GPC3: variants seen among roughly 807,000 people sequenced by gnomAD.
The protein encoded by GPC3 is glypican-3.
Under a neutral mutation model 34.4 loss-of-function variants are expected in GPC3, and 3 were observed. The ratio of observed to expected loss-of-function variants is 0.09; its 90% CI spans 0.04 to 0.23. GPC3 has a LOEUF of 0.23. GPC3 is among the 10% of genes least tolerant of loss of function. The probability of loss-of-function intolerance (pLI) is 1.00; values close to 1 mark genes in which losing one functional copy is unlikely to be tolerated. For synonymous variants in GPC3, 177 were observed against 174.0 expected, an observed-to-expected ratio of 1.02 and a Z score of -0.13; for missense variants, 351 against 445.6, an observed-to-expected ratio of 0.79 and a Z score of 1.91.
chrX:133,610,531 T>C (rs765329521), intron 6 of GPC3, among the ~76,000 whole-genome samples: 1 of 110,382 alleles, frequency 9.1e-6, no homozygotes, highest in African/African-American at 3.3e-5. Context: ...TAACATTTTG[T>C]TAAATAAATA....
intron 2 of GPC3, among the ~76,000 whole-genome samples, chrX:133,778,498 G>A (rs981824301): frequency 1.2e-4 from 13 of 111,975 alleles, no homozygotes; most frequent in African/African-American, 3.9e-4. Context: ...CAACTGATAC[G>A]AATTGAAACA....
At chrX:133,902,599 T>C (rs2076148641) in intron 2 of GPC3, among the ~76,000 whole-genome samples, 1 of 111,533 alleles carries the variant, frequency 9.0e-6, no homozygotes, top group African/African-American at 3.3e-5. Flanking sequence ...GGTGCACACC[T>C]GTAATCCCAG....
In GPC3 at chrX:133,552,369, A is replaced by G. The variant is rs191144769; in HGVS notation, c.1574-16076T>C. Reference sequence around the variant, plus strand: ...AAAGAGACTGCTTTGCATCCTTTTCAAAGAAAGGGACCAGCGTCTTTTGGA... The same window carrying G: ...AAAGAGACTGCTTTGCATCCTTTTCGAAGAAAGGGACCAGCGTCTTTTGGA... On this transcript the variant is annotated intron_variant, in intron 7 of 7. Coordinates refer to ENST00000370818, the MANE Select transcript of GPC3 (RefSeq NM_004484.4). 3.4e-3 allele frequency among the ~76,000 whole-genome samples: 383 copies of G among 112,132 alleles called. 2 individuals are homozygous for G. Among genetic ancestry groups the G allele is most frequent in the South Asian group, 0.014 (38 of 2,664 alleles).
chrX:133,921,539 T>TA (rs1485375193), intron 2 of GPC3, among the ~76,000 whole-genome samples: 2 of 112,350 alleles, frequency 1.8e-5, no homozygotes, highest in Non-Finnish European at 3.8e-5. Context: ...GTCATTTAGC[T>TA]AATAGATGGC....
intron 6 of GPC3, among the ~76,000 whole-genome samples, chrX:133,636,074 G>A (rs184997770): frequency 1.4e-4 from 16 of 111,212 alleles, no homozygotes; most frequent in African/African-American, 5.2e-4. Context: ...CAATTATTCC[G>A]AACAGTGTTT....
intron 2 of GPC3, among the ~76,000 whole-genome samples, chrX:133,803,977 TCC>T (rs1491328020): frequency 4.7e-5 from 2 of 42,839 alleles, no homozygotes; most frequent in South Asian, 1.2e-3. Flanking sequence ...CTGAGATAAA[TCC>T]ACACACACAC....
At chrX:133,629,904 A>G (rs1369066090) in intron 6 of GPC3, among the ~76,000 whole-genome samples, 1 of 109,260 alleles carries the variant, frequency 9.2e-6, no homozygotes, top group East Asian at 3.0e-4. Context: ...AAAATACAAA[A>G]TTAGTCAGGC....
intron 6 of GPC3, among the ~76,000 whole-genome samples, chrX:133,637,448 T>A (rs1420302782): frequency 5.4e-5 from 6 of 110,615 alleles, no homozygotes; most frequent in East Asian, 2.8e-4. Flanking sequence ...AAAATAATTT[T>A]AAAAAAGGCA....
intron 3 of GPC3, among the ~76,000 whole-genome samples, chrX:133,733,454 T>TA (rs2071481213): frequency 1.8e-5 from 2 of 111,091 alleles, no homozygotes; most frequent in Admixed American, 9.6e-5. Flanking sequence ...ATAAAAATTT[T>TA]AAAAAATCTA....
rs145563388 is a variant in GPC3 at position 133,695,192 on chromosome X, A to C, written c.1167-2698T>G. On this transcript the variant is annotated intron_variant, in intron 4 of 7. Coordinates refer to ENST00000370818, the MANE Select transcript of GPC3 (RefSeq NM_004484.4). ...GGGAAGCCCCTTATGAATCCATCGG[A>C]TCTTGTGAGAACTAATTTACTATCA... Among the ~76,000 whole-genome samples, 143 of 111,355 alleles carry C rather than the reference A, an allele frequency of 1.3e-3. 4 individuals carry two copies. The East Asian group carries it at 0.025, about 19-fold the overall frequency.
At chrX:133,796,664 T>A (rs1448403887) in intron 2 of GPC3, among the ~76,000 whole-genome samples, 1 of 112,314 alleles carries the variant, frequency 8.9e-6, no homozygotes, top group Non-Finnish European at 1.9e-5. Flanking sequence ...CAAATAAGGA[T>A]TTTAGAGGAC....
At chrX:133,728,402 T>C (rs986785151) in intron 3 of GPC3, among the ~76,000 whole-genome samples, 1 of 111,347 alleles carries the variant, frequency 9.0e-6, no homozygotes, top group African/African-American at 3.3e-5. Flanking sequence ...AAGGAGAAGA[T>C]GAAGGAGGAG....
At chrX:133,563,204 A>G (rs1218028134) in intron 7 of GPC3, among the ~76,000 whole-genome samples, 2 of 111,502 alleles carry the variant, frequency 1.8e-5, no homozygotes, top group Non-Finnish European at 3.8e-5. Flanking sequence ...TGACTATCCA[A>G]TGCTATGAAT....
intron 6 of GPC3, among the ~76,000 whole-genome samples, chrX:133,602,216 A>T (rs2069990010): frequency 8.9e-6 from 1 of 111,972 alleles, no homozygotes; most frequent in Non-Finnish European, 1.9e-5. Flanking sequence ...AGCTAAAAAA[A>T]AGTTGAGCCC....
intron 3 of GPC3, among the ~76,000 whole-genome samples, chrX:133,737,255 T>C (rs758631591): frequency 8.9e-6 from 1 of 112,216 alleles, no homozygotes; most frequent in South Asian, 3.7e-4. Context: ...AGTGAACCAA[T>C]TTTGCATGAT....
intron 2 of GPC3, among the ~76,000 whole-genome samples, chrX:133,757,912 G>T (rs946451025): frequency 8.9e-6 from 1 of 111,792 alleles, no homozygotes; most frequent in African/African-American, 3.3e-5. Flanking sequence ...TATGTCCTTT[G>T]CACACTTTTA....
At chrX:133,751,722 G>A (rs2071669042) in intron 3 of GPC3, among the ~76,000 whole-genome samples, 1 of 111,807 alleles carries the variant, frequency 8.9e-6, no homozygotes, top group Admixed American at 9.5e-5. Context: ...AGATGCTAAG[G>A]GTGTCTATCA....
chrX:133,860,339 C>T (rs963497493), intron 2 of GPC3, among the ~76,000 whole-genome samples: 1 of 110,743 alleles, frequency 9.0e-6, no homozygotes, highest in Non-Finnish European at 1.9e-5. Flanking sequence ...ACTCACTGGG[C>T]TAAGGTAAGA....
intron 7 of GPC3, among the ~76,000 whole-genome samples, chrX:133,545,912 A>C (rs1293527549): frequency 9.3e-6 from 1 of 107,859 alleles, no homozygotes; most frequent in African/African-American, 3.3e-5. Flanking sequence ...CTATTAGCCA[A>C]AAAAAAAAAG....
Sources: gnomAD v4.1 joint callset for allele counts (sites outside exome capture counted in the v4.1 genomes callset) on GRCh38, gnomAD v4.1.1 for gene constraint, MANE v1.5 for transcripts, NCBI Gene and HGNC (gene_info 2026-07-23, HGNC 2026-07-21) for gene names.